Variants in MOB3C observed in about 807,000 individuals in gnomAD.
MOB3C encodes MOB1, Mps One Binder kinase activator-like 2C.
MOB3C carries 17 observed loss-of-function variants against 19.8 expected under a neutral mutation model. That is an observed-to-expected ratio of 0.86 (90% CI 0.59 to 1.29). MOB3C has a LOEUF of 1.29. Among genes scored for constraint, MOB3C ranks in the 50% most tolerant of loss-of-function variants. MOB3C has a pLI of 0.00. For synonymous variants in MOB3C, 101 were observed against 119.2 expected (o/e 0.85, Z 0.99); for missense variants, 291 against 301.9 (o/e 0.96, Z 0.27).
At position 46,613,205 on chromosome 1, in the gene MOB3C, C is replaced by T. The variant is rs764236187; in HGVS notation, c.117G>A (p.Lys39=). 3.1e-6 allele frequency: 5 copies of T among 1,614,250 alleles called. No individual in the cohort carries two copies. In the South Asian group the frequency reaches 5.5e-5, roughly 18 times the overall value. Residue 39 remains lysine, a synonymous_variant, in exon 2 of 4, where the codon AAG becomes AAA. Transcript: ENST00000319928. ...CCACACTGCGCAGGTCCAGGCCCGA[C>T]TTGAGAGAGGCCTGTGCCTTCTTGT... The part of the protein sequence containing the change: ...ELYKKAQASL[K]SGLDLRSVVR...
intron 1 of MOB3C, chr1:46,614,167 A>T (rs1461962988): frequency 6.6e-6 from 1 of 152,398 alleles, no homozygotes; most frequent in African/African-American, 2.4e-5. Flanking sequence ...ACTGGGAGGT[A>T]GAAGAGTATA....
intron 1 of MOB3C, 168 bp downstream of exon 1, chr1:46,616,543 A>G (rs768886153): frequency 1.0e-5 from 1 of 95,560 alleles, no homozygotes; most frequent in Non-Finnish European, 2.1e-5. Context: ...CCCCCCCGCA[A>G]CTTTCGAAGC....
chr1:46,612,658 G>GAAAAAA (rs112172528), intron 2 of MOB3C, among the ~76,000 whole-genome samples: 2 of 96,938 alleles, frequency 2.1e-5, no homozygotes, highest in East Asian at 4.5e-4. Flanking sequence ...TCTCAGAAAA[G>GAAAAAA]AAAAAAAAAA....
At chr1:46,614,955 CTT>C (rs759654635) in intron 1 of MOB3C, 1 of 1,581,088 alleles carries the variant, frequency 6.3e-7, no homozygotes, top group Non-Finnish European at 8.7e-7. Context: ...AACTTGTTCT[CTT>C]GAAAAAAACT....
At chr1:46,613,894 C>T (rs1329443124) in intron 1 of MOB3C, 1 of 154,964 alleles carries the variant, frequency 6.5e-6, no homozygotes, top group Non-Finnish European at 1.4e-5. Flanking sequence ...ACTTTTCTAC[C>T]AAAAATGTCC....
rs1239778496 is a variant in MOB3C, at chr1:46,607,806, C to G, written c.*1849G>C. The G allele has an allele frequency of 6.6e-6, 1 of 152,156 alleles. No homozygotes were observed. Among genetic ancestry groups the G allele is most frequent in the Non-Finnish European group, 1.5e-5 (1 of 68,054 alleles). The allele number at this position is 152,156 out of a possible 1,614,324, so 9.4% of individuals were successfully genotyped here. On this transcript the variant is annotated 3_prime_UTR_variant, in exon 4 of 4. Coordinates refer to ENST00000319928, the MANE Select transcript of MOB3C (RefSeq NM_201403.3). ...AAAAATAAATTTTCCAACCCTCCCC[C>G]TATCCCAGAAATCAGCCCTTGCCAC...
intron 2 of MOB3C, among the ~76,000 whole-genome samples, chr1:46,610,836 C>A (rs1333634129): frequency 6.6e-6 from 1 of 152,212 alleles, no homozygotes; most frequent in Admixed American, 6.5e-5. Context: ...AAAGTTACGA[C>A]CTAAACTCTC....
rs552074836 is a variant in MOB3C, at chr1:46,609,525, G to A, written c.*130C>T. ...GTAGGCAGACTCCTGAGAACCAGAA[G>A]TCCAGAGGCTTTGGGTGTGTGGAGT... On this transcript the variant is annotated 3_prime_UTR_variant, in exon 4 of 4. Transcript: ENST00000319928. 4,830 of 1,194,494 alleles carry A rather than the reference G, an allele frequency of 4.0e-3. 15 individuals carry two copies. Among genetic ancestry groups the A allele is most frequent in the Non-Finnish European group, 4.9e-3 (3,976 of 814,996 alleles). 74.0% of individuals were successfully genotyped at this position (1,194,494 alleles called of 1,614,324 possible). A position where few individuals can be genotyped will look rare whatever the true frequency, so the allele number is the denominator to read the frequency against.
chr1:46,612,228 AC>A (rs1675481205), intron 2 of MOB3C, among the ~76,000 whole-genome samples: 1 of 152,144 alleles, frequency 6.6e-6, no homozygotes, highest in Non-Finnish European at 1.5e-5. Flanking sequence ...AGGTGATGAT[AC>A]CACCAGGGCC....
In MOB3C at chr1:46,613,614, C is replaced by G. The variant is rs574465651; in HGVS notation, c.-50-243G>C. The G allele has an allele frequency of 1.3e-5, 7 of 548,792 alleles. No homozygotes were observed. In the African/African-American group the frequency reaches 1.3e-4, roughly 10 times the overall value. The allele number at this position is 548,792 out of a possible 1,614,324, so 34.0% of individuals were successfully genotyped here. A position where few individuals can be genotyped will look rare whatever the true frequency, so the allele number is the denominator to read the frequency against. ...CTTTGTCTCTTTTCTGCTTTCATTGCAGAGCTGGGCCTGGGCTCTAAACAG... is the reference window on the plus strand; with the variant it reads ...CTTTGTCTCTTTTCTGCTTTCATTGGAGAGCTGGGCCTGGGCTCTAAACAG... On this transcript the variant is annotated intron_variant, in intron 1 of 3. Transcript: ENST00000319928.
chr1:46,610,250 A>G, intron 2 of MOB3C, 46 bp from the exon 3 acceptor site: 1 of 1,597,828 alleles, frequency 6.3e-7, no homozygotes, highest in Non-Finnish European at 8.6e-7. Flanking sequence ...CCTGGTGCCA[A>G]AGCTCTGCTC....
At chr1:46,614,785 C>T (rs2148805068) in intron 1 of MOB3C, 1 of 553,668 alleles carries the variant, frequency 1.8e-6, no homozygotes, top group South Asian at 2.5e-5. Flanking sequence ...AGGGATGGCA[C>T]ATATTTCGGG....
At position 46,609,248 on chromosome 1, in the gene MOB3C, A is replaced by C; in HGVS notation, c.*407T>G. 3.3e-6 allele frequency: 1 copy of C among 300,558 alleles called. No homozygotes were observed. The highest frequency in any genetic ancestry group is 6.4e-6 in the Non-Finnish European group (1 of 155,282). 18.6% of individuals were successfully genotyped at this position (300,558 alleles called of 1,614,324 possible). A position where few individuals can be genotyped will look rare whatever the true frequency, so the allele number is the denominator to read the frequency against. Reference sequence around the variant, plus strand: ...CACAGTGAAAATCACACACACACACACACACCCCGGCATCTGTGCTCACTC... The same window carrying C: ...CACAGTGAAAATCACACACACACACCCACACCCCGGCATCTGTGCTCACTC... On this transcript the variant is annotated 3_prime_UTR_variant, in exon 4 of 4. Coordinates refer to ENST00000319928, the MANE Select transcript of MOB3C (RefSeq NM_201403.3).
rs771605084 is a variant in MOB3C at position 46,613,087 on chromosome 1, C to T, written c.235G>A (p.Ala79Thr). 1 of 1,614,222 alleles carries T rather than the reference C, an allele frequency of 6.2e-7. No homozygotes were observed. Residue 79 changes from alanine (A) to threonine (T), a missense_variant, in exon 2 of 4, where the codon GCG becomes ACG. Coordinates refer to ENST00000319928, the MANE Select transcript of MOB3C (RefSeq NM_201403.3). ...CAGCTGGTCTCACTGCAGCGCTCCG[C>T]CATAGTGCCGTAGATGAGGTTGATG... ...NRINLIYGTM[A>T]ERCSETSCPV...
intron 2 of MOB3C, 32 bp from the exon 3 acceptor site, chr1:46,610,236 G>A: frequency 6.2e-7 from 1 of 1,605,638 alleles, no homozygotes; most frequent in Non-Finnish European, 8.5e-7. Flanking sequence ...AAGGGGATCA[G>A]TATCCTGGTG....
Position 46,607,806 on chromosome 1 carries a change from CT to C in MOB3C, c.*1848del, listed in dbSNP as rs11333814. ...AAAAATAAATTTTCCAACCCTCCCCCTATCCCAGAAATCAGCCCTTGCCACA... is the reference window on the plus strand; with the variant it reads ...AAAAATAAATTTTCCAACCCTCCCCCATCCCAGAAATCAGCCCTTGCCACA... On this transcript the variant is annotated 3_prime_UTR_variant, in exon 4 of 4. Coordinates refer to ENST00000319928, the MANE Select transcript of MOB3C (RefSeq NM_201403.3). The C allele has an allele frequency of 0.23, 34,594 of 152,236 alleles. 4,921 individuals carry two copies. The highest frequency in any genetic ancestry group is 0.67 in the East Asian group (3,452 of 5,168). 9.4% of individuals were successfully genotyped at this position (152,236 alleles called of 1,614,324 possible). A position where few individuals can be genotyped will look rare whatever the true frequency, so the allele number is the denominator to read the frequency against.
In MOB3C at chr1:46,613,317, G is replaced by A. The variant is rs529251316; in HGVS notation, c.5C>T (p.Ala2Val). The change falls in exon 2 of 4, where the codon GCC (alanine) becomes GTC (valine). Residue 2 changes from alanine to valine, a missense_variant. By Grantham distance (64) the Ala-to-Val change is moderately conservative. Transcript: ENST00000319928. ...GGCGAACACCTGCTTCAGGCACAGGGCCATGGCCAGCTGGGCCTGGGGCTG... is the reference window on the plus strand; with the variant it reads ...GGCGAACACCTGCTTCAGGCACAGGACCATGGCCAGCTGGGCCTGGGGCTG... M[A>V]LCLKQVFAKD... 1.9e-6 allele frequency: 3 copies of A among 1,603,924 alleles called. No individual in the cohort carries two copies. Among genetic ancestry groups the A allele is most frequent in the Admixed American group, 1.7e-5 (1 of 60,030 alleles).
At position 46,609,709 on chromosome 1, in the gene MOB3C, G is replaced by T. The variant is rs1169668232; in HGVS notation, c.622-25C>A. 3 of 1,613,802 alleles carry T rather than the reference G, an allele frequency of 1.9e-6. No homozygotes were observed. The African/African-American group carries it at 4.0e-5, about 22-fold the overall frequency. On this transcript the variant is annotated intron_variant, in intron 3 of 3. Coordinates refer to ENST00000319928, the MANE Select transcript of MOB3C (RefSeq NM_201403.3). ...TCTGTAGAGACACAAGGTAGGGAGG[G>T]GTCAATTAGAGCTCAGCCTACTAGG...
In MOB3C at chr1:46,610,844, C is replaced by T. The variant is rs563184484; in HGVS notation, c.419-640G>A. 2.2e-3 allele frequency among the ~76,000 whole-genome samples: 341 copies of T among 152,312 alleles called. 1 individual carries two copies. The highest frequency in any genetic ancestry group is 9.3e-3 in the South Asian group (45 of 4,828). Reference sequence around the variant, plus strand: ...TATGATAAAAGTTACGACCTAAACTCTCCCCAGAAATATGTGCAATTGCAG... The same window carrying T: ...TATGATAAAAGTTACGACCTAAACTTTCCCCAGAAATATGTGCAATTGCAG... On this transcript the variant is annotated intron_variant, in intron 2 of 3. Coordinates refer to ENST00000319928, the MANE Select transcript of MOB3C (RefSeq NM_201403.3).
Sources: gnomAD v4.1 joint callset for allele counts (sites outside exome capture counted in the v4.1 genomes callset) on GRCh38, gnomAD v4.1.1 for gene constraint, MANE v1.5 for transcripts, NCBI Gene and HGNC (gene_info 2026-07-23, HGNC 2026-07-21) for gene names.